The following ELP4 variants were observed in gnomAD, a reference collection of about 807,000 sequenced individuals.
The protein encoded by ELP4 is elongator acetyltransferase complex subunit 4, also known as elongator complex protein 4.
Under a neutral mutation model 48.9 loss-of-function variants are expected in ELP4, and 51 were observed. The observed-to-expected ratio is 1.04, with a 90% CI of 0.83 to 1.32. ELP4 has a LOEUF of 1.32. ELP4 is among the 40% of genes most tolerant of loss of function. The pLI is 0.00. For synonymous variants in ELP4, 210 were observed against 189.2 expected (o/e 1.11, Z -0.90); for missense variants, 519 against 514.6 (o/e 1.01, Z -0.08).
intron 2 of ELP4, among the ~76,000 whole-genome samples, chr11:31,531,517 C>T (rs1259356722): frequency 1.3e-5 from 2 of 152,126 alleles, no homozygotes; most frequent in East Asian, 1.9e-4. Context: ...TAATCTTGGT[C>T]TGGAAGGAGG....
At position 31,753,697 on chromosome 11, in the gene ELP4, G is replaced by C. The variant is rs150605365; in HGVS notation, c.1144-29696G>C. Among the ~76,000 whole-genome samples, 106 of 152,166 alleles carry C rather than the reference G, an allele frequency of 7.0e-4. 1 individual carries two copies. Among genetic ancestry groups the C allele is most frequent in the African/African-American group, 2.4e-3 (99 of 41,520 alleles). ...GAAAAGTAAAAGAATGTTGAATATAGCATTTTTTGTGAAACAGAAAAATAT... is the reference window on the plus strand; with the variant it reads ...GAAAAGTAAAAGAATGTTGAATATACCATTTTTTGTGAAACAGAAAAATAT... On this transcript the variant is annotated intron_variant, in intron 9 of 9. Transcript: ENST00000640961.
chr11:31,549,880 C>T (rs575806114), intron 3 of ELP4, among the ~76,000 whole-genome samples: 4 of 152,076 alleles, frequency 2.6e-5, no homozygotes, highest in African/African-American at 4.8e-5. Flanking sequence ...AGTAATCTAT[C>T]GCAAGAACAA....
chr11:31,630,839 G>A (rs1944846388), intron 6 of ELP4, among the ~76,000 whole-genome samples: 1 of 152,082 alleles, frequency 6.6e-6, no homozygotes, highest in South Asian at 2.1e-4. Context: ...CAGCTACTCT[G>A]GAGGCAGAGG....
intron 2 of ELP4, among the ~76,000 whole-genome samples, chr11:31,532,772 T>G (rs1250900579): frequency 6.9e-6 from 1 of 145,054 alleles, no homozygotes; most frequent in Admixed American, 6.8e-5. Context: ...TTTTGTTGGT[T>G]TTTTTTTTTT....
At chr11:31,722,843 C>T (rs955010369) in intron 9 of ELP4, among the ~76,000 whole-genome samples, 2 of 152,154 alleles carry the variant, frequency 1.3e-5, no homozygotes, top group African/African-American at 4.8e-5. Flanking sequence ...GGTCTCACCC[C>T]ACAACTTGGG....
chr11:31,589,973 G>T (rs867898208), intron 3 of ELP4, among the ~76,000 whole-genome samples: 1 of 152,124 alleles, frequency 6.6e-6, no homozygotes, highest in African/African-American at 2.4e-5. Context: ...AATATAGCAT[G>T]GTGGTTAAGA....
intron 3 of ELP4, among the ~76,000 whole-genome samples, chr11:31,586,598 G>A (rs1957477541): frequency 6.6e-6 from 1 of 151,680 alleles, no homozygotes; most frequent in African/African-American, 2.4e-5. Flanking sequence ...CAACCACAGT[G>A]TTACTCTAGT....
intron 5 of ELP4, among the ~76,000 whole-genome samples, chr11:31,608,080 G>A (rs925742909): frequency 1.3e-5 from 2 of 151,544 alleles, no homozygotes; most frequent in Non-Finnish European, 2.9e-5. Context: ...TCTGTAGAGA[G>A]TGCCTGGAAA....
intron 3 of ELP4, 46 bp from the exon 4 acceptor site, chr11:31,594,724 A>T (rs755377459): frequency 7.2e-6 from 10 of 1,392,396 alleles, no homozygotes; most frequent in Non-Finnish European, 7.6e-6. Flanking sequence ...GAAAATTGTC[A>T]TATTTTACCA....
intron 9 of ELP4, among the ~76,000 whole-genome samples, chr11:31,727,498 A>G (rs947984148): frequency 6.6e-6 from 1 of 152,170 alleles, no homozygotes; most frequent in East Asian, 1.9e-4. Context: ...AAATTATTTC[A>G]AACTGCTAAG....
intron 9 of ELP4, among the ~76,000 whole-genome samples, chr11:31,687,355 A>G (rs1362883006): frequency 6.6e-6 from 1 of 152,200 alleles, no homozygotes; most frequent in Non-Finnish European, 1.5e-5. Context: ...AGGCAGAAGA[A>G]TCATGTGGAG....
At chr11:31,537,317 A>G (rs1956517006) in intron 2 of ELP4, among the ~76,000 whole-genome samples, 3 of 152,208 alleles carry the variant, frequency 2.0e-5, no homozygotes, top group Non-Finnish European at 2.9e-5. Context: ...AACCGATTGT[A>G]TGGATTTATT....
At chr11:31,644,041 C>T (rs1013035728) in intron 7 of ELP4, among the ~76,000 whole-genome samples, 2 of 151,770 alleles carry the variant, frequency 1.3e-5, no homozygotes, top group African/African-American at 4.8e-5. Context: ...CACTGGCTTT[C>T]CTCTCTTCTG....
intron 9 of ELP4, among the ~76,000 whole-genome samples, chr11:31,688,768 G>GT (rs1197398638): frequency 6.6e-6 from 1 of 152,136 alleles, no homozygotes; most frequent in African/African-American, 2.4e-5. Context: ...GTATGTAGAA[G>GT]TGCCTTTGAG....
intron 7 of ELP4, among the ~76,000 whole-genome samples, chr11:31,638,097 T>C (rs1479887906): frequency 6.6e-6 from 1 of 151,840 alleles, no homozygotes; most frequent in African/African-American, 2.4e-5. Context: ...TCTCACAGCA[T>C]TTTTTTCAAA....
intron 2 of ELP4, among the ~76,000 whole-genome samples, chr11:31,529,439 A>C (rs1296315382): frequency 6.6e-6 from 1 of 152,172 alleles, no homozygotes; most frequent in African/African-American, 2.4e-5. Context: ...GCAGGAGTAC[A>C]ACATTTATGG....
chr11:31,746,632 G>T (rs996080887), intron 9 of ELP4, among the ~76,000 whole-genome samples: 1 of 151,960 alleles, frequency 6.6e-6, no homozygotes, highest in Non-Finnish European at 1.5e-5. Flanking sequence ...GCAAACTATC[G>T]CAAGGACAAA....
At chr11:31,681,433 A>G (rs1946048557) in intron 9 of ELP4, among the ~76,000 whole-genome samples, 1 of 152,236 alleles carries the variant, frequency 6.6e-6, no homozygotes, top group African/African-American at 2.4e-5. Flanking sequence ...GTGTAAAGCA[A>G]ATAAATAAAA....
chr11:31,625,448 T>TAC (rs1592169387), intron 5 of ELP4, among the ~76,000 whole-genome samples: 1 of 151,796 alleles, frequency 6.6e-6, no homozygotes, highest in African/African-American at 2.4e-5. Context: ...AAATGTGGTG[T>TAC]ACACACACAC....
Sources: gnomAD v4.1 joint callset for allele counts (sites outside exome capture counted in the v4.1 genomes callset) on GRCh38, gnomAD v4.1.1 for gene constraint, MANE v1.5 for transcripts, NCBI Gene and HGNC (gene_info 2026-07-23, HGNC 2026-07-21) for gene names.